SH3YL1: variants seen among roughly 807,000 people sequenced by gnomAD.
SH3YL1 encodes the protein SH3 domain-containing YSC84-like protein 1.
In SH3YL1, 41 loss-of-function variants were observed where a neutral mutation model predicts 45.8. The observed-to-expected ratio is 0.89, with a 90% CI of 0.70 to 1.16. SH3YL1 has a LOEUF of 1.16. Among genes scored for constraint, SH3YL1 ranks in the 50% most tolerant of loss-of-function variants. SH3YL1 has a pLI of 0.00. For missense variants in SH3YL1, 389 were observed against 409.6 expected (o/e 0.95, Z 0.43); for synonymous variants, 152 against 151.4 (o/e 1.00, Z -0.03).
At chr2:226,621 G>C (rs1667796443) in intron 8 of SH3YL1, among the ~76,000 whole-genome samples, 2 of 152,114 alleles carry the variant, frequency 1.3e-5, no homozygotes, top group African/African-American at 2.4e-5. Flanking sequence ...AGATGGTGGA[G>C]AATGTATATA....
In SH3YL1 at chr2:234,198, G is replaced by A. The variant is rs921854394; in HGVS notation, c.366C>T (p.Leu122=). The change falls in exon 5 of 10, where the codon CTC becomes CTT. Residue 122 remains leucine (L), a synonymous_variant. Coordinates refer to ENST00000356150, the MANE Select transcript of SH3YL1 (RefSeq NM_015677.4). ...EAFAKGGNLT[L]GGNLTVAVGP... is the part of the protein sequence containing the mutation. ...CAACCGCCACAGTCAAGTTCCCTCC[G>A]AGGGTCAGATTTCCGCCTTTTGCAA... The A allele has an allele frequency of 2.8e-5, 45 of 1,613,930 alleles. No homozygotes were observed. Among genetic ancestry groups the A allele is most frequent in the Non-Finnish European group, 3.6e-5 (42 of 1,179,986 alleles).
At chr2:259,875 T>C (rs972410681) in intron 1 of SH3YL1, 1 of 151,734 alleles carries the variant, frequency 6.6e-6, no homozygotes, top group African/African-American at 2.4e-5. Flanking sequence ...GAGTGTCAAA[T>C]ATCAAATTAT....
At chr2:232,995 CAT>C (rs1022886167) in intron 6 of SH3YL1, 104 bp downstream of exon 6, 18 of 963,648 alleles carry the variant, frequency 1.9e-5, no homozygotes, top group Middle Eastern at 3.8e-4. Flanking sequence ...CTTAAAACCA[CAT>C]GTTGTAAAAA....
At chr2:258,759 G>A (rs934915680) in intron 1 of SH3YL1, among the ~76,000 whole-genome samples, 2 of 152,142 alleles carry the variant, frequency 1.3e-5, no homozygotes, top group South Asian at 4.1e-4. Context: ...TCTCCATTGT[G>A]GCTGTTTCGA....
chr2:219,038 T>C, intron 9 of SH3YL1, 37 bp from the exon 10 acceptor site: 2 of 1,561,792 alleles, frequency 1.3e-6, no homozygotes, highest in South Asian at 1.2e-5. Flanking sequence ...TTATGTTCTT[T>C]AAGGGAGAAA....
intron 4 of SH3YL1, chr2:242,131 G>A (rs1668571828): frequency 6.6e-6 from 1 of 151,948 alleles, no homozygotes; most frequent in Non-Finnish European, 1.5e-5. Context: ...AGAGTCAGGT[G>A]GGAGCAAAGT....
At position 259,588 on chromosome 2, in the gene SH3YL1, G is replaced by T. The variant is rs115270399; in HGVS notation, c.1+4396C>A. The T allele has an allele frequency of 7.0e-3, 1,067 of 151,940 alleles. 6 individuals are homozygous for T. Among genetic ancestry groups the T allele is most frequent in the Non-Finnish European group, 0.011 (760 of 67,950 alleles). The allele number at this position is 151,940 out of a possible 1,614,324, so 9.4% of individuals were successfully genotyped here. ...AATATGTAATAGGAGAACAATGACAGCCCAGCCTTGACAGAACCTGTGACA... is the reference window on the plus strand; with the variant it reads ...AATATGTAATAGGAGAACAATGACATCCCAGCCTTGACAGAACCTGTGACA... On this transcript the variant is annotated intron_variant, in intron 1 of 9. Transcript: ENST00000356150.
At chr2:238,259 TTGTG>T (rs3842546) in intron 4 of SH3YL1, among the ~76,000 whole-genome samples, 35,459 of 141,508 alleles carry the variant, frequency 0.25, 4,324 homozygotes, top group Non-Finnish European at 0.26. Context: ...TCCTCCCTCC[TTGTG>T]TGTGTGTGTG....
At chr2:254,774 G>A (rs1669240207) in intron 1 of SH3YL1, among the ~76,000 whole-genome samples, 1 of 152,128 alleles carries the variant, frequency 6.6e-6, no homozygotes, top group Non-Finnish European at 1.5e-5. Flanking sequence ...ACAACAGATG[G>A]AACTCAGACT....
At chr2:243,748 C>CAGGCT (rs1668649894) in intron 4 of SH3YL1, among the ~76,000 whole-genome samples, 1 of 152,174 alleles carries the variant, frequency 6.6e-6, no homozygotes, top group African/African-American at 2.4e-5. Context: ...GAACTGGTAT[C>CAGGCT]AGGCTCCGCT....
chr2:225,067 ATCACAAG>A, intron 8 of SH3YL1, 147 bp from the exon 9 acceptor site: 1 of 678,410 alleles, frequency 1.5e-6, no homozygotes, highest in Non-Finnish European at 2.7e-6. Context: ...TGCGCTTTAA[ATCACAAG>A]GTATACCTGA....
intron 4 of SH3YL1, among the ~76,000 whole-genome samples, chr2:235,169 C>A (rs1668232606): frequency 6.6e-6 from 1 of 152,240 alleles, no homozygotes; most frequent in African/African-American, 2.4e-5. Flanking sequence ...AGCCACTGAG[C>A]CCAGCTGACT....
intron 4 of SH3YL1, among the ~76,000 whole-genome samples, chr2:235,291 G>A (rs1668237350): frequency 6.6e-6 from 1 of 152,260 alleles, no homozygotes; most frequent in South Asian, 2.1e-4. Flanking sequence ...CAATGTGGAA[G>A]TCCAAAGTTA....
chr2:246,114 G>GAAT (rs1271359902), intron 4 of SH3YL1, among the ~76,000 whole-genome samples: 5 of 151,644 alleles, frequency 3.3e-5, no homozygotes, highest in Non-Finnish European at 7.4e-5. Flanking sequence ...AGAATCGCTT[G>GAAT]AAACTGGGAG....
At chr2:232,881 CTT>C (rs1004729011) in intron 6 of SH3YL1, 5 of 309,454 alleles carry the variant, frequency 1.6e-5, no homozygotes, top group Non-Finnish European at 2.8e-5. Flanking sequence ...TTGTGTTAGT[CTT>C]TTAAAGGGAT....
intron 5 of SH3YL1, among the ~76,000 whole-genome samples, chr2:233,538 C>A (rs948828220): frequency 5.7e-4 from 86 of 152,178 alleles, no homozygotes; most frequent in Admixed American, 5.6e-3. Context: ...CATTTTCCAA[C>A]CGGATCTTCC....
chr2:247,390 A>C, intron 4 of SH3YL1, 148 bp downstream of exon 4: 5 of 580,008 alleles, frequency 8.6e-6, no homozygotes, highest in Non-Finnish European at 1.5e-5. Context: ...CTTTAGTTAG[A>C]CATTCATCGA....
chr2:221,677 C>G (rs956367600), intron 9 of SH3YL1, among the ~76,000 whole-genome samples: 1 of 152,182 alleles, frequency 6.6e-6, no homozygotes, highest in African/African-American at 2.4e-5. Context: ...TGTGTGTTGA[C>G]TGTTCCTTGT....
intron 8 of SH3YL1, among the ~76,000 whole-genome samples, chr2:226,449 T>C (rs1339448103): frequency 6.6e-6 from 1 of 152,228 alleles, no homozygotes; most frequent in African/African-American, 2.4e-5. Context: ...GATGTTTACA[T>C]TCACTAATAG....
Sources: gnomAD v4.1 joint callset for allele counts (sites outside exome capture counted in the v4.1 genomes callset) on GRCh38, gnomAD v4.1.1 for gene constraint, MANE v1.5 for transcripts, NCBI Gene and HGNC (gene_info 2026-07-23, HGNC 2026-07-21) for gene names.